RAPGEF4: variants seen among roughly 807,000 people sequenced by gnomAD.
RAPGEF4 encodes RAP guanine-nucleotide-exchange factor (GEF) 4.
A neutral mutation model predicts 147.9 loss-of-function variants in RAPGEF4; 66 were observed. That is an observed-to-expected ratio of 0.45 (90% CI 0.37 to 0.55). The LOEUF (loss-of-function observed/expected upper bound fraction) is 0.55. Among genes scored for constraint, RAPGEF4 ranks in the 20% least tolerant of loss-of-function variants. The pLI is 0.00. For synonymous variants in RAPGEF4, 419 were observed against 442.7 expected (o/e 0.95, Z 0.67); for missense variants, 1,071 against 1,257.3 (o/e 0.85, Z 2.24).
chr2:172,805,014 C>T (rs945374777), intron 3 of RAPGEF4, among the ~76,000 whole-genome samples: 2 of 152,194 alleles, frequency 1.3e-5, no homozygotes, highest in African/African-American at 4.8e-5. Context: ...CTGGGCCTTA[C>T]CCCATGGGTC....
intron 1 of RAPGEF4, among the ~76,000 whole-genome samples, chr2:172,743,446 A>T (rs10204859): frequency 6.6e-6 from 1 of 152,234 alleles, no homozygotes; most frequent in Non-Finnish European, 1.5e-5. Flanking sequence ...TCTTGGCGCA[A>T]CTATCTGTTT....
At chr2:172,968,098 G>C (rs972572841) in intron 10 of RAPGEF4, among the ~76,000 whole-genome samples, 4 of 152,116 alleles carry the variant, frequency 2.6e-5, no homozygotes, top group Middle Eastern at 3.2e-3. Context: ...TTAAGCCCCC[G>C]TTTGATGCAG....
chr2:172,919,900 G>C (rs1032625376), intron 5 of RAPGEF4, among the ~76,000 whole-genome samples: 1 of 151,930 alleles, frequency 6.6e-6, no homozygotes, highest in Non-Finnish European at 1.5e-5. Context: ...CTGCTTGCCC[G>C]GGCCCAGCGC....
chr2:172,768,567 C>T (rs186282745), intron 1 of RAPGEF4, among the ~76,000 whole-genome samples: 9 of 151,832 alleles, frequency 5.9e-5, no homozygotes, highest in Admixed American at 3.9e-4. Flanking sequence ...CACTTCCTGG[C>T]GTGAGTACTC....
At chr2:173,001,164 T>C (rs1240113795) in intron 16 of RAPGEF4, 102 bp from the exon 17 acceptor site, 2 of 1,521,256 alleles carry the variant, frequency 1.3e-6, no homozygotes, top group Non-Finnish European at 1.8e-6. Flanking sequence ...CCCAAACCAA[T>C]GTGTTAGAAC....
chr2:172,876,066 G>T (rs1695881502), intron 4 of RAPGEF4, among the ~76,000 whole-genome samples: 1 of 152,144 alleles, frequency 6.6e-6, no homozygotes, highest in African/African-American at 2.4e-5. Context: ...TGGTGTATAA[G>T]AATGCTTGTG....
At chr2:172,797,666 T>C (rs1686515645) in intron 3 of RAPGEF4, 53 bp downstream of exon 3, 6 of 1,328,744 alleles carry the variant, frequency 4.5e-6, no homozygotes, top group Non-Finnish European at 6.4e-6. Context: ...AAAGACTTAT[T>C]ATCCCTATGT....
At chr2:172,893,821 G>T (rs1698188753) in intron 4 of RAPGEF4, 1 of 152,182 alleles carries the variant, frequency 6.6e-6, no homozygotes, top group Admixed American at 6.5e-5. Context: ...CTCCCATCCT[G>T]CCTCAGGCAT....
rs567148923 is a variant in RAPGEF4, at chr2:173,040,523, G to C, written c.2853+3831G>C. ...GGCTGGGTCCCCAGAAGGAGCCCCT[G>C]CCAGGGGCCGAGGTCACCAGGGTAG... On this transcript the variant is annotated intron_variant, in intron 29 of 30. Coordinates refer to ENST00000397081, the MANE Select transcript of RAPGEF4 (RefSeq NM_007023.4). Among the ~76,000 whole-genome samples the C allele has an allele frequency of 2.6e-5, 4 of 152,290 alleles. No homozygotes were observed. The East Asian group carries it at 5.8e-4, about 22-fold the overall frequency.
intron 17 of RAPGEF4, among the ~76,000 whole-genome samples, chr2:173,005,939 A>G (rs1559179165): frequency 6.7e-6 from 1 of 149,454 alleles, no homozygotes; most frequent in African/African-American, 2.5e-5. Flanking sequence ...TGTAATGGAC[A>G]TTGTGGTTGA....
intron 4 of RAPGEF4, among the ~76,000 whole-genome samples, chr2:172,823,548 C>G (rs1180949731): frequency 2.0e-5 from 3 of 152,094 alleles, no homozygotes; most frequent in Admixed American, 6.6e-5. Flanking sequence ...CTGTTAAGCG[C>G]TTTATGTGTA....
At position 173,005,528 on chromosome 2, in the gene RAPGEF4, T is replaced by TTTTTG. The variant is rs1559178793; in HGVS notation, c.1658+4188_1658+4189insGTTTT. On this transcript the variant is annotated intron_variant, in intron 17 of 30. Transcript: ENST00000397081. ...TGTTGTTGTTGTTTTGTGTTTTTTT[T>TTTTTG]TTTTTTTTTTTTTGAGACAGAGTCT... 3.4e-3 allele frequency among the ~76,000 whole-genome samples: 459 copies of TTTTTG among 137,002 alleles called. 10 individuals are homozygous for TTTTTG. Among genetic ancestry groups the TTTTTG allele is most frequent in the Middle Eastern group, 0.023 (6 of 260 alleles). 89.9% of individuals were successfully genotyped at this position (137,002 alleles called of 152,430 possible).
At position 173,020,606 on chromosome 2, in the gene RAPGEF4, T is replaced by C. The variant is rs555122232; in HGVS notation, c.2156-12T>C. On this transcript the variant is annotated splice_polypyrimidine_tract_variant and intron_variant, in intron 22 of 30. Transcript: ENST00000397081. ...TATTTAATAGGCAATCTCATGCTTT[T>C]TATGTTCACAGAAAAGGTGGTGCTC... 3.9e-5 allele frequency: 63 copies of C among 1,607,184 alleles called. No individual in the cohort carries two copies. The South Asian group carries it at 5.6e-4, about 14-fold the overall frequency.
At chr2:172,904,036 T>A (rs1278595086) in intron 4 of RAPGEF4, among the ~76,000 whole-genome samples, 1 of 152,188 alleles carries the variant, frequency 6.6e-6, no homozygotes, top group Non-Finnish European at 1.5e-5. Context: ...TCATGGGCTA[T>A]TACTTTCTGT....
At chr2:172,741,129 G>C (rs1036818602) in intron 1 of RAPGEF4, among the ~76,000 whole-genome samples, 1 of 152,160 alleles carries the variant, frequency 6.6e-6, no homozygotes, top group Admixed American at 6.5e-5. Flanking sequence ...AGGCAGTTCT[G>C]GGAATCGTCC....
intron 2 of RAPGEF4, among the ~76,000 whole-genome samples, chr2:172,796,470 A>G (rs1360792085): frequency 2.6e-5 from 4 of 152,094 alleles, no homozygotes; most frequent in Non-Finnish European, 5.9e-5. Flanking sequence ...CTATAGTCCC[A>G]GCTACTCAGG....
intron 3 of RAPGEF4, among the ~76,000 whole-genome samples, chr2:172,805,058 T>C (rs1038883363): frequency 6.6e-6 from 1 of 152,210 alleles, no homozygotes; most frequent in African/African-American, 2.4e-5. Context: ...GATAGTGGCA[T>C]GGATTCCTGC....
chr2:172,890,056 C>T lies in RAPGEF4; in HGVS notation c.445-27746C>T, dbSNP rs193255834. ...CTGCAGACTGAAGGCAAGACTTGAC[C>T]AGACATCTTAATAGTAAACAGTGAA... On this transcript the variant is annotated intron_variant, in intron 4 of 30. Coordinates refer to ENST00000397081, the MANE Select transcript of RAPGEF4 (RefSeq NM_007023.4). Among the ~76,000 whole-genome samples, 674 of 152,306 alleles carry T rather than the reference C, an allele frequency of 4.4e-3. 3 individuals are homozygous for T. The highest frequency in any genetic ancestry group is 0.015 in the African/African-American group (643 of 41,562).
At chr2:172,843,272 G>T (rs1034011506) in intron 4 of RAPGEF4, among the ~76,000 whole-genome samples, 1 of 152,174 alleles carries the variant, frequency 6.6e-6, no homozygotes, top group Non-Finnish European at 1.5e-5. Flanking sequence ...GGGGAAAATA[G>T]GACAGTGATA....
Sources: allele counts gnomAD v4.1 joint callset (sites outside exome capture counted in the v4.1 genomes callset), GRCh38; gene constraint gnomAD v4.1.1; transcripts MANE v1.5; gene names NCBI Gene and HGNC (gene_info 2026-07-23, HGNC 2026-07-21).